SPAG16: variants seen among roughly 807,000 people sequenced by gnomAD.
SPAG16 encodes the protein sperm associated antigen 16.
A neutral mutation model predicts 80.4 loss-of-function variants in SPAG16; 86 were observed. That is an observed-to-expected ratio of 1.07 (90% CI 0.90 to 1.28). The LOEUF (loss-of-function observed/expected upper bound fraction) is 1.28, where lower values mean the gene tolerates loss of function less well. SPAG16 is among the 50% of genes most tolerant of loss of function. The pLI is 0.00. For synonymous variants in SPAG16, 294 were observed against 265.9 expected (o/e 1.11, Z -1.03); for missense variants, 870 against 765.3 (o/e 1.14, Z -1.61).
chr2:213,315,579 C>A (rs1375423182), intron 4 of SPAG16, among the ~76,000 whole-genome samples: 2 of 152,006 alleles, frequency 1.3e-5, no homozygotes, highest in Admixed American at 1.3e-4. Context: ...TCTTGATTCC[C>A]TGTGCTTTGC....
At chr2:213,305,341 C>G (rs893205984) in intron 3 of SPAG16, among the ~76,000 whole-genome samples, 2 of 152,010 alleles carry the variant, frequency 1.3e-5, no homozygotes, top group African/African-American at 2.4e-5. Flanking sequence ...TTTGGATGCC[C>G]TTTATTTCCT....
chr2:214,356,425 A>T (rs549877288), intron 15 of SPAG16, among the ~76,000 whole-genome samples: 60 of 46,770 alleles, frequency 1.3e-3, no homozygotes, highest in African/African-American at 2.0e-3. Flanking sequence ...ATAATTTATC[A>T]ATCTTCTCTC....
At chr2:214,139,716 G>A (rs1233533194) in intron 14 of SPAG16, among the ~76,000 whole-genome samples, 1 of 151,942 alleles carries the variant, frequency 6.6e-6, no homozygotes, top group Non-Finnish European at 1.5e-5. Context: ...CCTTTCTAAT[G>A]GCCTGGGTAA....
At chr2:213,658,565 T>C (rs1314575013) in intron 10 of SPAG16, among the ~76,000 whole-genome samples, 2 of 152,174 alleles carry the variant, frequency 1.3e-5, no homozygotes, top group Non-Finnish European at 2.9e-5. Flanking sequence ...CTCTGTTCAT[T>C]ACAATATCTT....
At chr2:213,691,913 G>A (rs1393638162) in intron 10 of SPAG16, among the ~76,000 whole-genome samples, 5 of 152,068 alleles carry the variant, frequency 3.3e-5, no homozygotes, top group African/African-American at 7.2e-5. Context: ...TGAAGAAGGC[G>A]GTAGTCTATC....
Position 213,296,128 on chromosome 2 carries a change from G to A in SPAG16, c.183+18G>A. On this transcript the variant is annotated intron_variant, in intron 2 of 15. Transcript: ENST00000331683. ...ATGAAGAGGTAACATGTTAATTTTA[G>A]GTGTTTATTCTGTAAATTTATTGCA... 6.4e-7 allele frequency: 1 copy of A among 1,565,170 alleles called. No homozygotes were observed. The highest frequency in any genetic ancestry group is 8.8e-7 in the Non-Finnish European group (1 of 1,138,572).
chr2:213,992,592 T>C (rs1277762853), intron 12 of SPAG16, among the ~76,000 whole-genome samples: 1 of 152,182 alleles, frequency 6.6e-6, no homozygotes, highest in Non-Finnish European at 1.5e-5. Flanking sequence ...TTCTTTAAAT[T>C]TGATGATTTT....
chr2:213,529,708 A>T (rs2076005013), intron 10 of SPAG16, among the ~76,000 whole-genome samples: 2 of 152,220 alleles, frequency 1.3e-5, no homozygotes, highest in African/African-American at 4.8e-5. Context: ...CAGTATTTGT[A>T]TAACTAAACA....
chr2:214,007,638 T>C (rs953567053), intron 12 of SPAG16, among the ~76,000 whole-genome samples: 2 of 152,094 alleles, frequency 1.3e-5, no homozygotes, highest in Non-Finnish European at 2.9e-5. Flanking sequence ...GGGCTGAATA[T>C]TGAATTTTCA....
intron 9 of SPAG16, among the ~76,000 whole-genome samples, chr2:213,429,129 T>A (rs113968596): frequency 6.0e-5 from 9 of 150,992 alleles, no homozygotes; most frequent in African/African-American, 2.2e-4. Context: ...AGGTGGGTCC[T>A]ATATTCGTTT....
chr2:214,266,615 TA>T (rs1559166712), intron 15 of SPAG16, among the ~76,000 whole-genome samples: 1 of 151,526 alleles, frequency 6.6e-6, no homozygotes, highest in African/African-American at 2.4e-5. Context: ...AAGAAAGAAA[TA>T]AAAGGTATCC....
At chr2:214,041,067 A>G (rs996054294) in intron 13 of SPAG16, among the ~76,000 whole-genome samples, 1 of 147,740 alleles carries the variant, frequency 6.8e-6, no homozygotes, top group Non-Finnish European at 1.5e-5. Context: ...TTGTTTTTCT[A>G]TTTTTTAAAT....
chr2:214,210,857 A>G (rs190065308), intron 15 of SPAG16, among the ~76,000 whole-genome samples: 18 of 152,050 alleles, frequency 1.2e-4, no homozygotes, highest in Admixed American at 1.1e-3. Context: ...ACACACACAC[A>G]TATTTGTGTG....
intron 9 of SPAG16, among the ~76,000 whole-genome samples, chr2:213,425,932 C>A (rs1055209870): frequency 2.6e-5 from 4 of 152,058 alleles, no homozygotes; most frequent in Admixed American, 2.6e-4. Flanking sequence ...ACAGGTTGAG[C>A]CTGGAGCATG....
chr2:213,885,342 A>G (rs2076511837), intron 11 of SPAG16, among the ~76,000 whole-genome samples: 1 of 152,136 alleles, frequency 6.6e-6, no homozygotes, highest in Admixed American at 6.6e-5. Flanking sequence ...ATTTCCTAGT[A>G]TTTGTAGCCA....
intron 9 of SPAG16, among the ~76,000 whole-genome samples, chr2:213,452,798 G>T (rs62192330): frequency 1.4e-3 from 207 of 152,176 alleles, no homozygotes; most frequent in Non-Finnish European, 2.7e-3. Context: ...CTTTGCATAT[G>T]CCCTAACACA....
intron 10 of SPAG16, among the ~76,000 whole-genome samples, chr2:213,744,527 A>G (rs1337653355): frequency 6.6e-6 from 1 of 152,160 alleles, no homozygotes; most frequent in Non-Finnish European, 1.5e-5. Flanking sequence ...AAAATAATAT[A>G]TTATCATTAC....
At chr2:213,743,983 C>A (rs772536156) in intron 10 of SPAG16, among the ~76,000 whole-genome samples, 16 of 152,160 alleles carry the variant, frequency 1.1e-4, no homozygotes, top group Non-Finnish European at 2.2e-4. Flanking sequence ...TTGCCTCTTG[C>A]ATGCTTAGTT....
At chr2:214,078,410 G>T (rs927127068) in intron 13 of SPAG16, among the ~76,000 whole-genome samples, 11 of 151,616 alleles carry the variant, frequency 7.3e-5, no homozygotes, top group Middle Eastern at 3.4e-3. Context: ...ATAAAAATTG[G>T]CTGGGCATGG....
Sources: allele counts gnomAD v4.1 joint callset (sites outside exome capture counted in the v4.1 genomes callset), GRCh38; gene constraint gnomAD v4.1.1; transcripts MANE v1.5; gene names NCBI Gene and HGNC (gene_info 2026-07-23, HGNC 2026-07-21).